Variants in PCDHA4 observed in about 807,000 individuals in gnomAD.
The protein encoded by PCDHA4 is protocadherin alpha 4.
Under a neutral mutation model 61.4 loss-of-function variants are expected in PCDHA4, and 49 were observed. That is an observed-to-expected ratio of 0.80 (90% CI 0.63 to 1.01). The LOEUF (loss-of-function observed/expected upper bound fraction) is 1.01. Ranked by LOEUF, PCDHA4 falls within the 50% of genes least tolerant of loss-of-function variation. PCDHA4 has a pLI of 0.00. For missense variants in PCDHA4, 1,254 were observed against 1,235.8 expected, an observed-to-expected ratio of 1.01 and a Z score of -0.22; for synonymous variants, 590 against 550.3, an observed-to-expected ratio of 1.07 and a Z score of -1.01.
intron 1 of PCDHA4, chr5:140,813,694 C>CA (rs1765363147): frequency 1.3e-5 from 2 of 152,120 alleles, no homozygotes; most frequent in African/African-American, 4.8e-5. Context: ...CTCAATTTAT[C>CA]AAAAAATTTT....
At chr5:140,823,993 T>C in intron 1 of PCDHA4, 1 of 1,613,980 alleles carries the variant, frequency 6.2e-7, no homozygotes, top group Non-Finnish European at 8.5e-7. Context: ...CACTCTGTTG[T>C]GCTCCAGCGC....
At chr5:140,841,195 T>A (rs1777082025) in intron 1 of PCDHA4, 13 of 1,267,354 alleles carry the variant, frequency 1.0e-5, no homozygotes, top group Non-Finnish European at 1.4e-5. Context: ...GTCTTTTCTC[T>A]GACAGCATCT....
chr5:140,836,002 C>A (rs1302809722), intron 1 of PCDHA4: 14 of 1,613,124 alleles, frequency 8.7e-6, no homozygotes, highest in South Asian at 4.4e-5. Flanking sequence ...GCGCGCGATG[C>A]GGGCGTGCCG....
intron 1 of PCDHA4, chr5:140,823,348 G>C (rs782629988): frequency 6.2e-7 from 1 of 1,612,340 alleles, no homozygotes. Flanking sequence ...GCTGGACCAC[G>C]AGGAAGTGGA....
At chr5:140,957,189 G>T (rs1376112973) in intron 1 of PCDHA4, among the ~76,000 whole-genome samples, 1 of 152,174 alleles carries the variant, frequency 6.6e-6, no homozygotes, top group South Asian at 2.1e-4. Context: ...ATTGATGACC[G>T]ATTGGGAATA....
At chr5:140,906,750 T>C (rs782209238) in intron 1 of PCDHA4, among the ~76,000 whole-genome samples, 2 of 152,216 alleles carry the variant, frequency 1.3e-5, no homozygotes, top group Non-Finnish European at 2.9e-5. Flanking sequence ...ACACAGGGCA[T>C]GGTAATACTA....
intron 1 of PCDHA4, chr5:140,852,028 TATTG>T (rs1203440654): frequency 2.1e-6 from 2 of 942,992 alleles, no homozygotes; most frequent in Admixed American, 6.3e-5. Flanking sequence ...AAACTTCGCT[TATTG>T]AGTTTTTGTT....
intron 1 of PCDHA4, among the ~76,000 whole-genome samples, chr5:140,901,699 A>G (rs1373176124): frequency 6.6e-6 from 1 of 152,124 alleles, no homozygotes; most frequent in East Asian, 1.9e-4. Context: ...TTGTAGTTCT[A>G]TATACATTTT....
intron 1 of PCDHA4, among the ~76,000 whole-genome samples, chr5:140,878,476 A>T (rs1037108551): frequency 3.2e-4 from 49 of 152,322 alleles, no homozygotes; most frequent in African/African-American, 1.1e-3. Flanking sequence ...TCATTTCTCA[A>T]TTTAAAAATA....
intron 1 of PCDHA4, among the ~76,000 whole-genome samples, chr5:140,915,392 A>AT (rs1554196880): frequency 6.6e-6 from 1 of 152,072 alleles, no homozygotes; most frequent in African/African-American, 2.4e-5. Context: ...AGAGCTAGGT[A>AT]TTTCTTATAG....
At chr5:140,891,502 T>C (rs11748559) in intron 1 of PCDHA4, among the ~76,000 whole-genome samples, 18,999 of 152,020 alleles carry the variant, frequency 0.12, 1,247 homozygotes, top group Middle Eastern at 0.19. Context: ...TCCTCAGCTA[T>C]AATGTTCTCC....
intron 1 of PCDHA4, among the ~76,000 whole-genome samples, chr5:140,942,869 T>C (rs971576222): frequency 6.6e-6 from 1 of 152,088 alleles, no homozygotes; most frequent in African/African-American, 2.4e-5. Context: ...TGCTTTAGCA[T>C]GACAACTTTT....
At chr5:140,859,929 A>C (rs568538695) in intron 1 of PCDHA4, 3 of 152,046 alleles carry the variant, frequency 2.0e-5, no homozygotes, top group African/African-American at 7.2e-5. Context: ...TAATATAAAA[A>C]ACTTAGTAAA....
intron 1 of PCDHA4, among the ~76,000 whole-genome samples, chr5:140,878,558 C>T: frequency 6.6e-6 from 1 of 152,172 alleles, no homozygotes; most frequent in African/African-American, 2.4e-5. Flanking sequence ...TGATCCCAAA[C>T]TTATCATAGT....
intron 1 of PCDHA4, chr5:140,836,151 G>C: frequency 6.2e-7 from 1 of 1,613,828 alleles, no homozygotes. Context: ...CGCGGGCCAT[G>C]TGGTGGCGAA....
At chr5:140,962,319 T>A (rs1585921663) in intron 1 of PCDHA4, among the ~76,000 whole-genome samples, 1 of 152,226 alleles carries the variant, frequency 6.6e-6, no homozygotes, top group Admixed American at 6.5e-5. Context: ...GCCATCTCAA[T>A]TGAGAATACT....
rs545409584 is a variant in PCDHA4, at chr5:140,952,105, G to A, written c.2386-26844G>A. 3.3e-5 allele frequency among the ~76,000 whole-genome samples: 5 copies of A among 152,218 alleles called. 1 individual carries two copies. Among genetic ancestry groups the A allele is most frequent in the African/African-American group, 4.8e-5 (2 of 41,536 alleles). ...CATGTCTCACATCCAGGGCACACTC[G>A]TGTGAGGGATGGGCTCCCAAGGCCT... is the stretch of plus-strand genomic sequence containing the variant. On this transcript the variant is annotated intron_variant, in intron 1 of 3. Coordinates refer to ENST00000530339, the MANE Select transcript of PCDHA4 (RefSeq NM_018907.4).
chr5:141,005,701 CAAAAAAAAAAA>C (rs59860837), intron 3 of PCDHA4, among the ~76,000 whole-genome samples: 24 of 7,788 alleles, frequency 3.1e-3, no homozygotes, highest in African/African-American at 7.5e-3. Flanking sequence ...AACTCCGTCT[CAAAAAAAAAAA>C]AAAAAAAAAA....
intron 1 of PCDHA4, chr5:140,969,203 G>T (rs781962982): frequency 8.1e-6 from 13 of 1,614,178 alleles, no homozygotes; most frequent in Non-Finnish European, 1.1e-5. Flanking sequence ...CAATACAGGG[G>T]CCCAGACAGG....
Sources: gnomAD v4.1 joint callset for allele counts (sites outside exome capture counted in the v4.1 genomes callset) on GRCh38, gnomAD v4.1.1 for gene constraint, MANE v1.5 for transcripts, NCBI Gene and HGNC (gene_info 2026-07-23, HGNC 2026-07-21) for gene names.